The following BRI3BP variants were observed in gnomAD, a reference collection of about 807,000 sequenced individuals.
BRI3BP encodes the protein BRI3-binding protein.
BRI3BP carries 7 observed loss-of-function variants against 15.8 expected under a neutral mutation model. The ratio of observed to expected loss-of-function variants is 0.44; its 90% confidence interval spans 0.25 to 0.83. The LOEUF (loss-of-function observed/expected upper bound fraction) is 0.83, where lower values mean the gene tolerates loss of function less well. BRI3BP is among the 40% of genes least tolerant of loss of function. The probability of loss-of-function intolerance (pLI) is 0.20; values close to 1 mark genes in which losing one functional copy is unlikely to be tolerated. For missense variants in BRI3BP, 320 were observed against 339.3 expected (o/e 0.94, Z 0.45); for synonymous variants, 192 against 163.5 (o/e 1.17, Z -1.33).
intron 1 of BRI3BP, among the ~76,000 whole-genome samples, chr12:124,997,114 A>G (rs1955046935): frequency 6.7e-6 from 1 of 149,460 alleles, no homozygotes; most frequent in African/African-American, 2.5e-5. Context: ...TCCTGTTTGG[A>G]GCATGGGAAC....
the BRI3BP span, among the ~76,000 whole-genome samples, chr12:125,039,961 T>A: frequency 6.6e-6 from 1 of 152,012 alleles, no homozygotes; most frequent in Non-Finnish European, 1.5e-5. Flanking sequence ...ATATCAGAGA[T>A]TTGCAAAAAT....
intron 2 of BRI3BP, among the ~76,000 whole-genome samples, chr12:125,016,224 G>A (rs1955242172): frequency 6.6e-6 from 1 of 152,240 alleles, no homozygotes; most frequent in East Asian, 1.9e-4. Flanking sequence ...GGCATCCGAA[G>A]CCCTTTGGAA....
At chr12:125,021,696 G>C (rs1461452643) in intron 2 of BRI3BP, among the ~76,000 whole-genome samples, 2 of 152,156 alleles carry the variant, frequency 1.3e-5, no homozygotes, top group African/African-American at 4.8e-5. Flanking sequence ...CGTCTTACGT[G>C]GTGGCAGGAG....
chr12:125,006,044 CCT>C (rs1243633848), intron 1 of BRI3BP, among the ~76,000 whole-genome samples: 2 of 152,126 alleles, frequency 1.3e-5, no homozygotes, highest in Non-Finnish European at 2.9e-5. Flanking sequence ...AGTGGTCTTT[CCT>C]CTGTTTATCT....
Position 125,000,581 on chromosome 12 carries a change from G to A in BRI3BP, c.213+6578G>A, listed in dbSNP as rs137957260. Among the ~76,000 whole-genome samples, 646 of 152,118 alleles carry A rather than the reference G, an allele frequency of 4.2e-3. 4 individuals carry two copies. Among genetic ancestry groups the A allele is most frequent in the African/African-American group, 0.015 (613 of 41,488 alleles). On this transcript the variant is annotated intron_variant, in intron 1 of 2. Transcript: ENST00000341446. ...CCTGCCTCGGCCTCCCAAAGTGCTGGGATTACAGGCGTGAGCCACCACGCC... is the reference window on the plus strand; with the variant it reads ...CCTGCCTCGGCCTCCCAAAGTGCTGAGATTACAGGCGTGAGCCACCACGCC...
downstream of BRI3BP, among the ~76,000 whole-genome samples, chr12:125,033,921 T>C (rs898242209): frequency 7.9e-5 from 12 of 151,994 alleles, no homozygotes; most frequent in South Asian, 4.2e-4. Context: ...TTTTGTATTT[T>C]TTAGTAGAGA....
chr12:125,006,925 G>A (rs12370517), intron 1 of BRI3BP, among the ~76,000 whole-genome samples: 2,285 of 152,196 alleles, frequency 0.015, 22 homozygotes, highest in Middle Eastern at 0.027. Flanking sequence ...TTATCTGGGC[G>A]CGGTGGGTCA....
intron 2 of BRI3BP, among the ~76,000 whole-genome samples, chr12:125,013,923 CA>C (rs1955217904): frequency 6.6e-6 from 1 of 152,116 alleles, no homozygotes; most frequent in Non-Finnish European, 1.5e-5. Context: ...ACTCCTAGTC[CA>C]GTCCTGCAGC....
chr12:125,008,655 A>G (rs192538133), intron 1 of BRI3BP, among the ~76,000 whole-genome samples: 88 of 152,212 alleles, frequency 5.8e-4, no homozygotes, highest in African/African-American at 1.9e-3. Context: ...CCTTTTTGGC[A>G]GCGGGACCAG....
At chr12:124,998,341 A>G (rs147465707) in intron 1 of BRI3BP, among the ~76,000 whole-genome samples, 22 of 152,182 alleles carry the variant, frequency 1.4e-4, no homozygotes, top group Non-Finnish European at 2.2e-4. Flanking sequence ...CACTTTTTAC[A>G]ATAGCTAAAA....
At position 125,025,433 on chromosome 12, in the gene BRI3BP, G is replaced by C. The variant is rs1413180908; in HGVS notation, c.*3G>C. 6.3e-7 allele frequency: 1 copy of C among 1,581,118 alleles called. No homozygotes were observed. Among genetic ancestry groups the C allele is most frequent in the Non-Finnish European group, 8.6e-7 (1 of 1,159,616 alleles). ...TGGACCGCTCCAAGGACAAGTGAAGGTCAGCCGGCCGGGCGGGTCCACAGT... is the reference window on the plus strand; with the variant it reads ...TGGACCGCTCCAAGGACAAGTGAAGCTCAGCCGGCCGGGCGGGTCCACAGT... On this transcript the variant is annotated 3_prime_UTR_variant, in exon 3 of 3. Coordinates refer to ENST00000341446, the MANE Select transcript of BRI3BP (RefSeq NM_080626.6).
intron 1 of BRI3BP, among the ~76,000 whole-genome samples, chr12:125,011,575 G>A (rs940549901): frequency 3.3e-5 from 5 of 152,184 alleles, no homozygotes; most frequent in Non-Finnish European, 7.3e-5. Context: ...GAATATGTCT[G>A]TGCCATTATT....
At chr12:125,032,778 T>A (rs73231619), downstream of BRI3BP, among the ~76,000 whole-genome samples, 7,421 of 152,234 alleles carry the variant, frequency 0.049, 241 homozygotes, top group African/African-American at 0.077. Flanking sequence ...TATCTCAAAA[T>A]ATAATCATTT....
chr12:124,996,369 G>A (rs1178343194), intron 1 of BRI3BP, among the ~76,000 whole-genome samples: 6 of 151,890 alleles, frequency 4.0e-5, no homozygotes, highest in African/African-American at 9.7e-5. Flanking sequence ...GCGTTGGCAC[G>A]ATCTTGGCTC....
chr12:124,995,375 GC>G (rs1462413152), intron 1 of BRI3BP, among the ~76,000 whole-genome samples: 88 of 152,332 alleles, frequency 5.8e-4, no homozygotes. Flanking sequence ...CCGTTTCGGA[GC>G]TATTTGAAGG....
intron 1 of BRI3BP, among the ~76,000 whole-genome samples, chr12:124,998,928 T>A (rs1955060988): frequency 6.6e-6 from 1 of 151,754 alleles, no homozygotes; most frequent in Non-Finnish European, 1.5e-5. Flanking sequence ...AACCAAAACC[T>A]TTGGCTAGGC....
intron 1 of BRI3BP, among the ~76,000 whole-genome samples, chr12:124,997,208 A>G (rs1432611433): frequency 5.3e-5 from 2 of 37,726 alleles, no homozygotes; most frequent in South Asian, 3.2e-3. Context: ...TTTTTGCTTT[A>G]CTTCTCTTTT....
chr12:125,036,684 C>T, the BRI3BP span, among the ~76,000 whole-genome samples: 1 of 152,262 alleles, frequency 6.6e-6, no homozygotes, highest in East Asian at 1.9e-4. Context: ...TGAATGTGTG[C>T]AGCCCCTCAA....
chr12:125,050,856 T>G, the BRI3BP span, among the ~76,000 whole-genome samples: 2 of 151,860 alleles, frequency 1.3e-5, no homozygotes, highest in African/African-American at 4.9e-5. Context: ...GTAAGGGACA[T>G]TTGTGTGTGC....
Sources: gnomAD v4.1 joint callset for allele counts (sites outside exome capture counted in the v4.1 genomes callset) on GRCh38, gnomAD v4.1.1 for gene constraint, MANE v1.5 for transcripts, NCBI Gene and HGNC (gene_info 2026-07-23, HGNC 2026-07-21) for gene names.